Variants in SCN8A observed in about 807,000 individuals in gnomAD.
The protein encoded by SCN8A is sodium channel protein type 8 subunit alpha.
A neutral mutation model predicts 184.1 loss-of-function variants in SCN8A; 30 were observed. The ratio of observed to expected loss-of-function variants is 0.16; its 90% CI spans 0.12 to 0.22. The LOEUF is 0.22. SCN8A is among the 10% of genes least tolerant of loss of function. The pLI, the probability that SCN8A is intolerant of heterozygous loss-of-function variation, is 1.00. For synonymous variants in SCN8A, 852 were observed against 907.0 expected (o/e 0.94, Z 1.09); for missense variants, 1,057 against 2,498.9 (o/e 0.42, Z 12.30).
At chr12:51,654,142 GCC>G (rs1215616780) in intron 1 of SCN8A, among the ~76,000 whole-genome samples, 2 of 152,084 alleles carry the variant, frequency 1.3e-5, no homozygotes, top group African/African-American at 4.8e-5. Context: ...TCTCTGAGTT[GCC>G]CTTTCACTCT....
chr12:51,755,232 A>G (rs1482688258), intron 14 of SCN8A, among the ~76,000 whole-genome samples: 1 of 152,164 alleles, frequency 6.6e-6, no homozygotes, highest in Non-Finnish European at 1.5e-5. Flanking sequence ...AACGATTTAA[A>G]TTTCCTGTTC....
chr12:51,755,407 G>A (rs1266564164), intron 14 of SCN8A, among the ~76,000 whole-genome samples: 1 of 152,118 alleles, frequency 6.6e-6, no homozygotes, highest in Non-Finnish European at 1.5e-5. Flanking sequence ...TCACTTCCTG[G>A]CTTTCTGGTA....
chr12:51,737,464 T>C (rs941173512), intron 12 of SCN8A, among the ~76,000 whole-genome samples: 3 of 152,210 alleles, frequency 2.0e-5, no homozygotes, highest in African/African-American at 7.2e-5. Flanking sequence ...TAGGATTTCC[T>C]CTAAGGATAG....
At chr12:51,763,234 C>T (rs149605447) in intron 15 of SCN8A, among the ~76,000 whole-genome samples, 27 of 152,262 alleles carry the variant, frequency 1.8e-4, no homozygotes, top group African/African-American at 4.8e-4. Context: ...AAGCAGTGCA[C>T]GTTCAGTAGA....
intron 13 of SCN8A, among the ~76,000 whole-genome samples, chr12:51,747,089 ATGTGTGTGTGTG>A (rs60490453): frequency 9.8e-5 from 8 of 81,324 alleles, no homozygotes; most frequent in South Asian, 3.4e-4. Flanking sequence ...CTCTGTGTGT[ATGTGTGTGTGTG>A]TGTGTGTGTG....
At chr12:51,736,301 C>A (rs1942325037) in intron 12 of SCN8A, among the ~76,000 whole-genome samples, 1 of 152,224 alleles carries the variant, frequency 6.6e-6, no homozygotes. Flanking sequence ...GCAGAAGACT[C>A]TTCTGATTGG....
intron 1 of SCN8A, among the ~76,000 whole-genome samples, chr12:51,644,510 T>C (rs902854637): frequency 3.9e-5 from 6 of 152,212 alleles, no homozygotes; most frequent in Non-Finnish European, 8.8e-5. Context: ...TAAGACCTAC[T>C]TCAGACGGAG....
In SCN8A at chr12:51,591,247, G is replaced by C. The variant is rs1473360599; in HGVS notation, c.-167G>C. 1 of 151,928 alleles carries C rather than the reference G, an allele frequency of 6.6e-6. No individual in the cohort carries two copies. The highest frequency in any genetic ancestry group is 1.5e-5 in the Non-Finnish European group (1 of 67,880). The allele number at this position is 151,928 out of a possible 1,614,324, so 9.4% of individuals were successfully genotyped here. ...GGGGCGGGCGCGGGGAGCGCTCCAA[G>C]ATGGCGCCCACCGCAGTCCCGCCCG... On this transcript the variant is annotated 5_prime_UTR_variant, in exon 1 of 27. Transcript: ENST00000627620.
At chr12:51,630,971 T>C (rs1374155587) in intron 1 of SCN8A, among the ~76,000 whole-genome samples, 11 of 152,238 alleles carry the variant, frequency 7.2e-5, no homozygotes, top group Admixed American at 7.2e-4. Context: ...TGTCACACTT[T>C]TCTCTAAAAT....
intron 13 of SCN8A, among the ~76,000 whole-genome samples, chr12:51,750,876 T>G (rs142745279): frequency 0.028 from 4,228 of 152,302 alleles, 99 homozygotes; most frequent in Non-Finnish European, 0.041. Flanking sequence ...ATAGAATACC[T>G]ACCATTTATT....
chr12:51,723,777 C>T (rs1942113082), intron 12 of SCN8A, among the ~76,000 whole-genome samples: 1 of 151,472 alleles, frequency 6.6e-6, no homozygotes, highest in African/African-American at 2.4e-5. Context: ...GAACCTGGGA[C>T]AGGGAGGTTG....
At chr12:51,604,909 T>C (rs1195737584) in intron 1 of SCN8A, among the ~76,000 whole-genome samples, 1 of 152,154 alleles carries the variant, frequency 6.6e-6, no homozygotes, top group Non-Finnish European at 1.5e-5. Context: ...AGATTACATA[T>C]CACTGGGGTT....
chr12:51,763,183 A>G (rs1245367666), intron 15 of SCN8A, among the ~76,000 whole-genome samples: 1 of 152,238 alleles, frequency 6.6e-6, no homozygotes, highest in Non-Finnish European at 1.5e-5. Context: ...CCAACTTATG[A>G]TGGCTCAACT....
intron 1 of SCN8A, among the ~76,000 whole-genome samples, chr12:51,594,476 A>G (rs1939300725): frequency 6.6e-6 from 1 of 152,214 alleles, no homozygotes; most frequent in South Asian, 2.1e-4. Context: ...GAATGGAAAG[A>G]AAAATAATTA....
In SCN8A at chr12:51,806,223, A is replaced by T; in HGVS notation, c.4796-59A>T. 6.9e-7 allele frequency: 1 copy of T among 1,454,118 alleles called. No individual in the cohort carries two copies. Among genetic ancestry groups the T allele is most frequent in the African/African-American group, 1.4e-5 (1 of 70,816 alleles). The allele number at this position is 1,454,118 out of a possible 1,614,324, so 90.1% of individuals were successfully genotyped here. ...GGTTCCACAATGCCAGGTAAAAAAA[A>T]TAAAGAGAAAGGGTGTCTCCCATCT... is the stretch of plus-strand genomic sequence containing the variant. On this transcript the variant is annotated intron_variant, in intron 26 of 26. Coordinates refer to ENST00000627620, the MANE Select transcript of SCN8A (RefSeq NM_001330260.2). The surrounding 1 kb of genome is among the most constrained non-coding windows in gnomAD (Gnocchi z 8.7).
rs1387702039 is a variant in SCN8A, at chr12:51,720,089, A to AC, written c.1636-1457_1636-1456insC. Reference sequence around the variant, plus strand: ...AGACTCCGTCTCAAAAAAAAAAAAAAAAAAAAGAATTCTTTAAGTAAATTT... The same window carrying AC: ...AGACTCCGTCTCAAAAAAAAAAAAAACAAAAAAGAATTCTTTAAGTAAATTT... On this transcript the variant is annotated intron_variant, in intron 11 of 26. Transcript: ENST00000627620. Among the ~76,000 whole-genome samples the AC allele has an allele frequency of 1.2e-4, 18 of 145,538 alleles. No homozygotes were observed. In the East Asian group the frequency reaches 3.0e-3, roughly 24 times the overall value.
At chr12:51,607,305 A>T (rs1225521377) in intron 1 of SCN8A, among the ~76,000 whole-genome samples, 2 of 152,194 alleles carry the variant, frequency 1.3e-5, no homozygotes, top group South Asian at 4.1e-4. Flanking sequence ...GAATTCTTTT[A>T]TCAGTTCTTG....
intron 6 of SCN8A, among the ~76,000 whole-genome samples, chr12:51,692,816 C>T (rs1286052685): frequency 6.6e-6 from 1 of 152,168 alleles, no homozygotes; most frequent in Non-Finnish European, 1.5e-5. Context: ...GAAAGAGTTT[C>T]TCAGGTTCTT....
chr12:51,635,516 A>G (rs563234969), intron 1 of SCN8A, among the ~76,000 whole-genome samples: 27 of 152,182 alleles, frequency 1.8e-4, no homozygotes, highest in South Asian at 4.1e-4. Context: ...ACTGAAGGGG[A>G]CATTCTGGAA....
Sources: gnomAD v4.1 joint callset for allele counts (sites outside exome capture counted in the v4.1 genomes callset) on GRCh38, gnomAD v4.1.1 for gene constraint, Gnocchi (gnomAD v3.1) non-coding constraint, MANE v1.5 for transcripts, NCBI Gene and HGNC (gene_info 2026-07-23, HGNC 2026-07-21) for gene names.